PM20D2: variants seen among roughly 807,000 people sequenced by gnomAD.
PM20D2 encodes the protein peptidase M20 domain containing 2.
PM20D2 carries 33 observed loss-of-function variants against 42.9 expected under a neutral mutation model. The ratio of observed to expected loss-of-function variants is 0.77; its 90% CI spans 0.58 to 1.03. PM20D2 has a LOEUF of 1.03. Among genes scored for constraint, PM20D2 ranks in the 50% least tolerant of loss-of-function variants. The pLI, the probability that PM20D2 is intolerant of heterozygous loss-of-function variation, is 0.00. For synonymous variants in PM20D2, 250 were observed against 228.2 expected, an observed-to-expected ratio of 1.10 and a Z score of -0.86; for missense variants, 548 against 557.0, an observed-to-expected ratio of 0.98 and a Z score of 0.16.
chr6:89,128,801 T>C, the PM20D2 span, among the ~76,000 whole-genome samples: 15 of 152,200 alleles, frequency 9.9e-5, no homozygotes, highest in Non-Finnish European at 1.6e-4. Flanking sequence ...CTGACACTTA[T>C]GGAAAATAGA....
At chr6:89,149,174 G>A (rs924816387) in intron 1 of PM20D2, 91 bp from the exon 2 acceptor site, 18 of 1,460,160 alleles carry the variant, frequency 1.2e-5, no homozygotes, top group Non-Finnish European at 1.7e-5. Context: ...GGACTTTAAT[G>A]TAGATTGTGA....
Position 89,149,938 on chromosome 6 carries a change from TTG to T in PM20D2, c.614+527_614+528del, listed in dbSNP as rs146325198. Among the ~76,000 whole-genome samples, 116 of 152,344 alleles carry T rather than the reference TTG, an allele frequency of 7.6e-4. No individual in the cohort carries two copies. In the East Asian group the frequency reaches 0.02, roughly 26 times the overall value. ...TTTGTCTGGTGCTGAAACCTTTTAT[TTG>T]TCTTTCTTTATGTTGAAGAACTCAC... On this transcript the variant is annotated intron_variant, in intron 2 of 6. Transcript: ENST00000275072.
chr6:89,123,941 G>A, the PM20D2 span, among the ~76,000 whole-genome samples: 5 of 151,708 alleles, frequency 3.3e-5, no homozygotes, highest in Non-Finnish European at 5.9e-5. Flanking sequence ...GGAGGCTGAG[G>A]TGGGAGGATC....
chr6:89,101,671 C>T, the PM20D2 span, among the ~76,000 whole-genome samples: 1 of 151,522 alleles, frequency 6.6e-6, no homozygotes, highest in East Asian at 1.9e-4. Context: ...GCACTCCAGC[C>T]CAGGTGACAG....
the PM20D2 span, among the ~76,000 whole-genome samples, chr6:89,129,084 G>C: frequency 6.6e-6 from 1 of 152,140 alleles, no homozygotes; most frequent in Non-Finnish European, 1.5e-5. Flanking sequence ...AAGCTAGAGG[G>C]TGTGGTGGCC....
the PM20D2 span, among the ~76,000 whole-genome samples, chr6:89,094,885 T>C: frequency 3.3e-5 from 5 of 151,992 alleles, no homozygotes; most frequent in Admixed American, 6.6e-5. Context: ...TTGTCCAAGG[T>C]TGCATAGCTA....
chr6:89,094,764 G>A, the PM20D2 span, among the ~76,000 whole-genome samples: 45 of 149,752 alleles, frequency 3.0e-4, no homozygotes, highest in African/African-American at 1.1e-3. Flanking sequence ...TCAGGTACTC[G>A]GCATTCTGCT....
In PM20D2 at chr6:89,163,463, T is replaced by C. The variant is rs6454741; in HGVS notation, c.*1200T>C. ...TCCCAAAGTGTTGGGATTTCAGGTA[T>C]GAGACACCACACCTGCCCATTTTTG... On this transcript the variant is annotated 3_prime_UTR_variant, in exon 7 of 7. Coordinates refer to ENST00000275072, the MANE Select transcript of PM20D2 (RefSeq NM_001010853.3). 40,528 of 152,034 alleles carry C rather than the reference T, an allele frequency of 0.27. 5,500 individuals are homozygous for C. Among genetic ancestry groups the C allele is most frequent in the Admixed American group, 0.32 (4,894 of 15,280 alleles). The allele number at this position is 152,034 out of a possible 1,614,324, so 9.4% of individuals were successfully genotyped here.
chr6:89,159,808 T>A (rs1771173661), intron 5 of PM20D2, among the ~76,000 whole-genome samples: 1 of 152,156 alleles, frequency 6.6e-6, no homozygotes. Context: ...TCCAGGGACA[T>A]CAGAGTTTCA....
At position 89,162,331 on chromosome 6, in the gene PM20D2, A is replaced by G. The variant is rs1236969399; in HGVS notation, c.*68A>G. On this transcript the variant is annotated 3_prime_UTR_variant, in exon 7 of 7. Coordinates refer to ENST00000275072, the MANE Select transcript of PM20D2 (RefSeq NM_001010853.3). ...TTTTTCTTTTAATCTCTTTTAATGAAGGCATGCTTGTTTTTTAATCTTAAA... is the reference window on the plus strand; with the variant it reads ...TTTTTCTTTTAATCTCTTTTAATGAGGGCATGCTTGTTTTTTAATCTTAAA... 2.1e-6 allele frequency: 3 copies of G among 1,444,348 alleles called. No homozygotes were observed. The highest frequency in any genetic ancestry group is 2.8e-6 in the Non-Finnish European group (3 of 1,064,322). The allele number at this position is 1,444,348 out of a possible 1,614,324, so 89.5% of individuals were successfully genotyped here.
At chr6:89,101,758 C>A in the PM20D2 span, among the ~76,000 whole-genome samples, 2 of 151,984 alleles carry the variant, frequency 1.3e-5, no homozygotes, top group African/African-American at 4.8e-5. Flanking sequence ...AGACAAATTT[C>A]TTTCAAAGGA....
upstream of PM20D2, among the ~76,000 whole-genome samples, chr6:89,145,849 A>G (rs1770512430): frequency 6.6e-6 from 1 of 152,228 alleles, no homozygotes; most frequent in African/African-American, 2.4e-5. Flanking sequence ...ATCTTAGAGC[A>G]TAACTCAAAG....
At chr6:89,142,961 C>G (rs1032534181), upstream of PM20D2, among the ~76,000 whole-genome samples, 38 of 152,322 alleles carry the variant, frequency 2.5e-4, no homozygotes, top group African/African-American at 8.7e-4. Context: ...CCCGGCCCCC[C>G]ACAATTATTT....
rs1377296612 is a variant in PM20D2, at chr6:89,163,193, T to G, written c.*930T>G. The G allele has an allele frequency of 1.3e-5, 2 of 152,192 alleles. No individual in the cohort carries two copies. The highest frequency in any genetic ancestry group is 6.5e-5 in the Admixed American group (1 of 15,284). 9.4% of individuals were successfully genotyped at this position (152,192 alleles called of 1,614,324 possible). ...AATATTGCTTCCTTGCTTGGAATCA[T>G]CAGAGTTTAAAGTAGCTTCGTGGAT... On this transcript the variant is annotated 3_prime_UTR_variant, in exon 7 of 7. Coordinates refer to ENST00000275072, the MANE Select transcript of PM20D2 (RefSeq NM_001010853.3).
At chr6:89,150,465 A>G (rs906488298) in intron 2 of PM20D2, among the ~76,000 whole-genome samples, 5 of 150,320 alleles carry the variant, frequency 3.3e-5, no homozygotes, top group African/African-American at 1.2e-4. Context: ...TTGGTTCTGA[A>G]GTCAGCGCAC....
chr6:89,102,270 A>G, the PM20D2 span, among the ~76,000 whole-genome samples: 5 of 152,056 alleles, frequency 3.3e-5, no homozygotes, highest in East Asian at 9.7e-4. Flanking sequence ...CAACCTCCCA[A>G]GTAGCTGGGA....
the PM20D2 span, among the ~76,000 whole-genome samples, chr6:89,139,804 A>G: frequency 6.6e-5 from 10 of 152,172 alleles, no homozygotes; most frequent in African/African-American, 2.4e-4. Flanking sequence ...TGCCAGAGGG[A>G]GAGAGGTTCT....
At chr6:89,124,113 C>G in the PM20D2 span, among the ~76,000 whole-genome samples, 3,098 of 151,876 alleles carry the variant, frequency 0.02, 62 homozygotes, top group Non-Finnish European at 0.03. Flanking sequence ...CAAGCCTGCT[C>G]TCTCTTATAA....
chr6:89,104,076 A>T, the PM20D2 span, among the ~76,000 whole-genome samples: 1 of 133,638 alleles, frequency 7.5e-6, no homozygotes, highest in Non-Finnish European at 1.5e-5. Flanking sequence ...GCCTCAAGTG[A>T]TACTCCCACC....
Sources: allele counts gnomAD v4.1 joint callset (sites outside exome capture counted in the v4.1 genomes callset), GRCh38; gene constraint gnomAD v4.1.1; transcripts MANE v1.5; gene names NCBI Gene and HGNC (gene_info 2026-07-23, HGNC 2026-07-21).